The following HIVEP3 variants were observed in gnomAD, a reference collection of about 807,000 sequenced individuals.
HIVEP3 encodes the protein transcription factor HIVEP3.
HIVEP3 carries 49 observed loss-of-function variants against 152.8 expected under a neutral mutation model. That is an observed-to-expected ratio of 0.32 (90% CI 0.26 to 0.41). The LOEUF (loss-of-function observed/expected upper bound fraction) is 0.41. Ranked by LOEUF, HIVEP3 falls within the 10% of genes least tolerant of loss-of-function variation. The probability of loss-of-function intolerance (pLI) is 1.00; values close to 1 mark genes in which losing one functional copy is unlikely to be tolerated. For missense variants in HIVEP3, 2,790 were observed against 3,103.3 expected (o/e 0.90, Z 2.40); for synonymous variants, 1,269 against 1,289.0 (o/e 0.98, Z 0.33).
At chr1:41,891,664 G>T (rs114220874) in intron 1 of HIVEP3, among the ~76,000 whole-genome samples, 3 of 152,156 alleles carry the variant, frequency 2.0e-5, no homozygotes, top group African/African-American at 7.2e-5. Context: ...CCCTGCTCAC[G>T]GCACTCCCCA....
At chr1:41,613,274 C>T (rs1297065726) in intron 3 of HIVEP3, among the ~76,000 whole-genome samples, 2 of 152,274 alleles carry the variant, frequency 1.3e-5, no homozygotes, top group African/African-American at 4.8e-5. Flanking sequence ...AGGCCACTCA[C>T]AGCTCCCCTC....
chr1:41,728,832 C>T (rs555132225), intron 1 of HIVEP3, among the ~76,000 whole-genome samples: 4 of 152,138 alleles, frequency 2.6e-5, no homozygotes, highest in African/African-American at 7.2e-5. Context: ...GCAGCTGCTG[C>T]GGTGAAGGTG....
In HIVEP3 at chr1:41,582,659, C is replaced by T; in HGVS notation, c.2139G>A (p.Arg713=). The T allele has an allele frequency of 6.2e-7, 1 of 1,614,148 alleles. No homozygotes were observed. The highest frequency in any genetic ancestry group is 8.5e-7 in the Non-Finnish European group (1 of 1,180,002). Residue 713 remains arginine (R), a synonymous_variant, in exon 4 of 9, where the codon AGG becomes AGA. Coordinates refer to ENST00000372583, the MANE Select transcript of HIVEP3 (RefSeq NM_024503.5). This position sits in a 1 kb window ranked among gnomAD's most constrained non-coding sequence, Gnocchi z 4.7. ...CAAGGCTCTTCTCTTTCCTCCTCTT[C>T]CTCAGTGGAGTGAGTTCCAGGGTGG... ...LGTTLELTPL[R]KRRKEKSLGD... is the part of the protein sequence containing the mutation.
At chr1:41,576,681 C>T (rs74685421) in intron 4 of HIVEP3, among the ~76,000 whole-genome samples, 2 of 152,188 alleles carry the variant, frequency 1.3e-5, no homozygotes, top group Admixed American at 6.5e-5. Flanking sequence ...CACCTGCCCC[C>T]ACAAGGACAG....
intron 1 of HIVEP3, among the ~76,000 whole-genome samples, chr1:41,764,965 G>T (rs951836406): frequency 2.0e-5 from 3 of 152,184 alleles, no homozygotes; most frequent in African/African-American, 7.2e-5. Flanking sequence ...TAGATGCTAG[G>T]TGCCCATCAC....
intron 1 of HIVEP3, among the ~76,000 whole-genome samples, chr1:41,729,663 G>T (rs1080396): frequency 0.067 from 10,229 of 152,270 alleles, 1,167 homozygotes; most frequent in African/African-American, 0.23. Context: ...CCCTGACCGA[G>T]GCCACCAGCT....
At chr1:41,916,526 C>G (rs1223273201) in intron 1 of HIVEP3, among the ~76,000 whole-genome samples, 1 of 152,176 alleles carries the variant, frequency 6.6e-6, no homozygotes, top group East Asian at 1.9e-4. Context: ...CTAAGTGTCA[C>G]ACCACCCTCT....
chr1:42,029,355 C>T (rs1645600176), intron 1 of HIVEP3, among the ~76,000 whole-genome samples: 1 of 152,060 alleles, frequency 6.6e-6, no homozygotes, highest in African/African-American at 2.4e-5. Context: ...TCAAGTGGGT[C>T]TGGACAAAAA....
chr1:41,794,970 C>A (rs1240381968), intron 1 of HIVEP3, among the ~76,000 whole-genome samples: 1 of 152,154 alleles, frequency 6.6e-6, no homozygotes, highest in Admixed American at 6.5e-5. Flanking sequence ...CTCTGTTGCC[C>A]AGGCTGGAAT....
At chr1:41,545,191 ACACCACCACCACCACTATCGCCAC>A (rs1294378650) in intron 5 of HIVEP3, among the ~76,000 whole-genome samples, 2 of 46,976 alleles carry the variant, frequency 4.3e-5, no homozygotes, top group Admixed American at 2.1e-4. Flanking sequence ...ACCATCACCA[ACACCACCACCACCACTATCGCCAC>A]CACCACCATC....
At position 41,726,976 on chromosome 1, in the gene HIVEP3, C is replaced by G. The variant is rs1306860953; in HGVS notation, c.-800-25981G>C. Reference sequence around the variant, plus strand: ...GGGCGTAAGTGATAATCCTCTCTTCCTTTCTCAGAACCACCTTTCTACAGG... The same window carrying G: ...GGGCGTAAGTGATAATCCTCTCTTCGTTTCTCAGAACCACCTTTCTACAGG... On this transcript the variant is annotated intron_variant, in intron 1 of 8. Coordinates refer to ENST00000372583, the MANE Select transcript of HIVEP3 (RefSeq NM_024503.5). Among the ~76,000 whole-genome samples, 3 of 152,232 alleles carry G rather than the reference C, an allele frequency of 2.0e-5. No individual in the cohort carries two copies. In the South Asian group the frequency reaches 6.2e-4, roughly 32 times the overall value.
At chr1:41,888,044 T>C (rs2124436086) in intron 1 of HIVEP3, among the ~76,000 whole-genome samples, 1 of 147,702 alleles carries the variant, frequency 6.8e-6, no homozygotes. Context: ...GAACTTTTTT[T>C]TTTTTTTTTT....
intron 2 of HIVEP3, among the ~76,000 whole-genome samples, chr1:41,683,788 A>G (rs1312445806): frequency 6.6e-6 from 1 of 152,180 alleles, no homozygotes; most frequent in Non-Finnish European, 1.5e-5. Flanking sequence ...GCTAAGTTAG[A>G]AGAGGCTCAG....
chr1:41,902,364 A>T (rs783621), intron 1 of HIVEP3, among the ~76,000 whole-genome samples: 2 of 151,724 alleles, frequency 1.3e-5, no homozygotes, highest in Non-Finnish European at 2.9e-5. Context: ...GAAAGGGGAG[A>T]GGCCAAGCCA....
chr1:41,743,110 C>T (rs954684839), intron 1 of HIVEP3, among the ~76,000 whole-genome samples: 5 of 144,448 alleles, frequency 3.5e-5, no homozygotes, highest in Admixed American at 6.9e-5. Context: ...CCAAAGGCTG[C>T]GGTGGGGTAT....
intron 2 of HIVEP3, among the ~76,000 whole-genome samples, chr1:41,690,160 G>A (rs1256330856): frequency 6.6e-6 from 1 of 152,216 alleles, no homozygotes; most frequent in African/African-American, 2.4e-5. Flanking sequence ...AGGGGAGTGT[G>A]GACAGGTGAG....
chr1:41,700,154 G>A (rs866133959), intron 2 of HIVEP3, among the ~76,000 whole-genome samples: 2 of 152,150 alleles, frequency 1.3e-5, no homozygotes, highest in East Asian at 3.9e-4. Context: ...AGGTTTTGCT[G>A]TTCTGTGGCT....
At chr1:41,714,175 G>A (rs530274611) in intron 1 of HIVEP3, among the ~76,000 whole-genome samples, 2 of 152,304 alleles carry the variant, frequency 1.3e-5, no homozygotes, top group Admixed American at 1.3e-4. Context: ...GGCTGGTTAT[G>A]GATTTTAACC....
chr1:41,717,077 T>C (rs1646606001), intron 1 of HIVEP3, among the ~76,000 whole-genome samples: 2 of 152,166 alleles, frequency 1.3e-5, no homozygotes, highest in Admixed American at 1.3e-4. Flanking sequence ...GGCACGCAGT[T>C]GTGACCTTGG....
Sources: allele counts gnomAD v4.1 joint callset (sites outside exome capture counted in the v4.1 genomes callset), GRCh38; gene constraint gnomAD v4.1.1; non-coding constraint Gnocchi (gnomAD v3.1); transcripts MANE v1.5; gene names NCBI Gene and HGNC (gene_info 2026-07-23, HGNC 2026-07-21).